CCDC169: variants seen among roughly 807,000 people sequenced by gnomAD.
CCDC169 encodes coiled-coil domain-containing protein 169.
A neutral mutation model predicts 36.0 loss-of-function variants in CCDC169; 30 were observed. The observed-to-expected ratio is 0.83, with a 90% CI of 0.62 to 1.13. The LOEUF is 1.13. Ranked by LOEUF, CCDC169 falls within the 50% of genes most tolerant of loss-of-function variation. The pLI is 0.00. For synonymous variants in CCDC169, 85 were observed against 81.5 expected, an observed-to-expected ratio of 1.04 and a Z score of -0.23; for missense variants, 245 against 245.9, an observed-to-expected ratio of 1.00 and a Z score of 0.03.
In CCDC169 at chr13:36,254,069, T is replaced by G. The variant is rs1873513903; in HGVS notation, c.390A>C (p.Ala130=). ...KTLESQVKYY[A]LKLEQESKAY... ...CCTTTGATTCTTGTTCCAGTTTAAG[T>G]GCATAGTATTTCACTTGACTTTCAA... Residue 130 remains alanine, a synonymous_variant, in exon 5 of 8, where the codon GCA becomes GCC. Coordinates refer to ENST00000239859, the MANE Select transcript of CCDC169 (RefSeq NM_001144981.3). The G allele has an allele frequency of 1.3e-6, 2 of 1,548,830 alleles. No homozygotes were observed. The highest frequency in any genetic ancestry group is 1.7e-6 in the Non-Finnish European group (2 of 1,146,176).
intron 7 of CCDC169, among the ~76,000 whole-genome samples, chr13:36,233,497 A>C (rs1870694640): frequency 6.6e-6 from 1 of 150,894 alleles, no homozygotes; most frequent in Non-Finnish European, 1.5e-5. Flanking sequence ...TGTTAGACTT[A>C]ATAGAGAAAG....
At chr13:36,290,313 AAT>A (rs1051240381) in intron 2 of CCDC169, among the ~76,000 whole-genome samples, 4 of 152,178 alleles carry the variant, frequency 2.6e-5, no homozygotes, top group Admixed American at 6.5e-5. Flanking sequence ...TGCCTAAATA[AAT>A]AGATACTAAA....
intron 2 of CCDC169, among the ~76,000 whole-genome samples, 152 bp downstream of exon 2, chr13:36,295,626 C>G (rs907156212): frequency 6.6e-6 from 1 of 151,956 alleles, no homozygotes; most frequent in Non-Finnish European, 1.5e-5. Flanking sequence ...GTTTTAAAGC[C>G]TCTATCATAA....
chr13:36,290,594 C>T (rs908665482), intron 2 of CCDC169, among the ~76,000 whole-genome samples: 3 of 152,138 alleles, frequency 2.0e-5, no homozygotes, highest in Non-Finnish European at 4.4e-5. Flanking sequence ...AAATCAAGGA[C>T]AGACACACAG....
chr13:36,227,253 C>T (rs1467492851), downstream of CCDC169: 1 of 1,551,112 alleles, frequency 6.4e-7, no homozygotes, highest in Non-Finnish European at 8.7e-7. Flanking sequence ...CCCATGTAAG[C>T]AGGCGGGCCA....
chr13:36,256,612 C>T (rs942441919), intron 4 of CCDC169, among the ~76,000 whole-genome samples: 4 of 152,160 alleles, frequency 2.6e-5, no homozygotes, highest in Non-Finnish European at 5.9e-5. Context: ...CACTCAGTCA[C>T]GTCTGAAGGG....
chr13:36,288,527 T>G (rs2138634560), intron 2 of CCDC169, among the ~76,000 whole-genome samples: 1 of 152,276 alleles, frequency 6.6e-6, no homozygotes, highest in Middle Eastern at 3.4e-3. Context: ...TCTGGGACAT[T>G]TCCAATTAAG....
At chr13:36,241,388 A>G (rs201855468) in intron 7 of CCDC169, among the ~76,000 whole-genome samples, 1 of 145,312 alleles carries the variant, frequency 6.9e-6, no homozygotes, top group Non-Finnish European at 1.5e-5. Flanking sequence ...TCATGTCACA[A>G]TTATTATTCA....
At chr13:36,244,176 A>G (rs1348507700) in intron 7 of CCDC169, among the ~76,000 whole-genome samples, 1 of 152,102 alleles carries the variant, frequency 6.6e-6, no homozygotes, top group African/African-American at 2.4e-5. Flanking sequence ...GGAAAAGCCC[A>G]CTTGCGAGGT....
At chr13:36,284,771 A>C (rs941059032) in intron 2 of CCDC169, among the ~76,000 whole-genome samples, 2 of 152,184 alleles carry the variant, frequency 1.3e-5, no homozygotes, top group Admixed American at 1.3e-4. Flanking sequence ...CAGGTCTGAA[A>C]TAACTGCTGC....
At chr13:36,292,666 T>C (rs1879042701) in intron 2 of CCDC169, among the ~76,000 whole-genome samples, 1 of 152,194 alleles carries the variant, frequency 6.6e-6, no homozygotes, top group Non-Finnish European at 1.5e-5. Flanking sequence ...AACTACTCTT[T>C]TGAAGGCTTT....
At chr13:36,231,488 C>T (rs4397984) in intron 7 of CCDC169, among the ~76,000 whole-genome samples, 196 bp from the exon 8 acceptor site, 6 of 151,990 alleles carry the variant, frequency 3.9e-5, no homozygotes, top group South Asian at 2.1e-4. Context: ...TCATCTCCAC[C>T]GCTACAGAGG....
At chr13:36,288,038 T>C (rs2138632421) in intron 2 of CCDC169, among the ~76,000 whole-genome samples, 1 of 152,176 alleles carries the variant, frequency 6.6e-6, no homozygotes, top group African/African-American at 2.4e-5. Context: ...AGATGGAGTC[T>C]CGCTCTGTCA....
At chr13:36,254,556 C>T (rs1409172029) in intron 4 of CCDC169, among the ~76,000 whole-genome samples, 3 of 151,996 alleles carry the variant, frequency 2.0e-5, no homozygotes, top group Non-Finnish European at 4.4e-5. Context: ...GGATTACAGT[C>T]GTGAGCCACT....
chr13:36,223,541 T>C (rs1869717477), downstream of CCDC169: 1 of 152,202 alleles, frequency 6.6e-6, no homozygotes, highest in South Asian at 2.1e-4. Flanking sequence ...CTGTCAAATA[T>C]ATGATATGAG....
intron 7 of CCDC169, chr13:36,240,606 T>G (rs1361934216): frequency 1.2e-5 from 15 of 1,281,330 alleles, no homozygotes; most frequent in Non-Finnish European, 1.5e-5. Context: ...GTTCTTTTGC[T>G]CCAGGGTACC....
At chr13:36,273,750 T>G (rs985933118) in intron 4 of CCDC169, among the ~76,000 whole-genome samples, 6 of 152,216 alleles carry the variant, frequency 3.9e-5, no homozygotes, top group Non-Finnish European at 8.8e-5. Flanking sequence ...TGTAATGTAC[T>G]AATTTCTAAA....
intron 2 of CCDC169, among the ~76,000 whole-genome samples, chr13:36,289,439 T>C (rs765958986): frequency 2.0e-5 from 3 of 152,264 alleles, no homozygotes; most frequent in Admixed American, 6.5e-5. Context: ...AATTTTTCAA[T>C]GTAATCAAGA....
intron 7 of CCDC169, among the ~76,000 whole-genome samples, chr13:36,245,051 A>T (rs1872336410): frequency 6.6e-6 from 1 of 152,180 alleles, no homozygotes; most frequent in African/African-American, 2.4e-5. Context: ...ATTAATCTCC[A>T]CCAAGGAAAT....
Sources: gnomAD v4.1 joint callset for allele counts (sites outside exome capture counted in the v4.1 genomes callset) on GRCh38, gnomAD v4.1.1 for gene constraint, MANE v1.5 for transcripts, NCBI Gene and HGNC (gene_info 2026-07-23, HGNC 2026-07-21) for gene names.